The following BMPER variants were observed in gnomAD, a reference collection of about 807,000 sequenced individuals.
BMPER encodes the protein BMP binding endothelial regulator.
A neutral mutation model predicts 87.3 loss-of-function variants in BMPER; 45 were observed. The ratio of observed to expected loss-of-function variants is 0.52; its 90% CI spans 0.41 to 0.66. BMPER has a LOEUF of 0.66. Among genes scored for constraint, BMPER ranks in the 30% least tolerant of loss-of-function variants. The probability of loss-of-function intolerance (pLI) is 0.00; values close to 1 mark genes in which losing one functional copy is unlikely to be tolerated. For missense variants in BMPER, 784 were observed against 867.5 expected (o/e 0.90, Z 1.21); for synonymous variants, 326 against 316.2 (o/e 1.03, Z -0.33).
chr7:34,094,048 C>A (rs1789463682), intron 13 of BMPER, among the ~76,000 whole-genome samples: 1 of 152,166 alleles, frequency 6.6e-6, no homozygotes, highest in African/African-American at 2.4e-5. Flanking sequence ...GACAGGCACA[C>A]CTGGTCTGGG....
intron 6 of BMPER, among the ~76,000 whole-genome samples, chr7:34,004,064 A>G (rs1786661108): frequency 6.6e-6 from 1 of 152,060 alleles, no homozygotes. Context: ...CGTTCCACAC[A>G]TCTCTGAGAC....
At chr7:34,153,030 G>A in intron 14 of BMPER, 62 bp from the exon 15 acceptor site, 4 of 1,590,924 alleles carry the variant, frequency 2.5e-6, no homozygotes, top group Non-Finnish European at 3.4e-6. Flanking sequence ...ACGGCATCTG[G>A]CTGAGGGTGA....
intron 14 of BMPER, among the ~76,000 whole-genome samples, chr7:34,145,724 G>A (rs1790999632): frequency 6.6e-6 from 1 of 152,148 alleles, no homozygotes; most frequent in Admixed American, 6.5e-5. Flanking sequence ...AATTTGATTA[G>A]CTGTGGTAGT....
In BMPER at chr7:33,906,921, G is replaced by C. The variant is rs376510799; in HGVS notation, c.219+18G>C. The C allele has an allele frequency of 2.9e-3, 4,600 of 1,589,466 alleles. 9 individuals carry two copies. Among genetic ancestry groups the C allele is most frequent in the Non-Finnish European group, 3.6e-3 (4,192 of 1,158,054 alleles). On this transcript the variant is annotated intron_variant, in intron 2 of 14. Transcript: ENST00000649409. Reference sequence around the variant, plus strand: ...TCTGCTTGGTAAGTGTGGAGATCAGGTAATATGAACTCAACTGCTCTCTCT... The same window carrying C: ...TCTGCTTGGTAAGTGTGGAGATCAGCTAATATGAACTCAACTGCTCTCTCT...
intron 6 of BMPER, among the ~76,000 whole-genome samples, chr7:34,024,843 G>T (rs559953629): frequency 5.9e-5 from 9 of 152,144 alleles, no homozygotes; most frequent in African/African-American, 1.2e-4. Flanking sequence ...TAAGTACAAG[G>T]TGAATTCATT....
At chr7:34,040,478 A>T (rs1787804176) in intron 6 of BMPER, among the ~76,000 whole-genome samples, 1 of 152,100 alleles carries the variant, frequency 6.6e-6, no homozygotes, top group African/African-American at 2.4e-5. Flanking sequence ...AATAAAATAC[A>T]GTTGCCTGGG....
chr7:34,008,030 T>C (rs1786782422), intron 6 of BMPER, among the ~76,000 whole-genome samples: 1 of 152,052 alleles, frequency 6.6e-6, no homozygotes, highest in Admixed American at 6.6e-5. Context: ...AGTTTTAATT[T>C]GATTTTATCT....
chr7:33,930,501 C>T (rs11486835), intron 2 of BMPER, among the ~76,000 whole-genome samples: 1,766 of 152,278 alleles, frequency 0.012, 31 homozygotes, highest in African/African-American at 0.04. Flanking sequence ...AGACTTTGTC[C>T]AAAGGAGACA....
At chr7:33,984,176 A>G (rs74900118) in intron 6 of BMPER, among the ~76,000 whole-genome samples, 19,229 of 152,124 alleles carry the variant, frequency 0.13, 1,674 homozygotes, top group Admixed American at 0.23. Flanking sequence ...ATAAAAATAA[A>G]TGTTTATCCA....
intron 12 of BMPER, among the ~76,000 whole-genome samples, chr7:34,084,627 C>G (rs934027154): frequency 1.3e-5 from 2 of 152,210 alleles, no homozygotes; most frequent in Non-Finnish European, 2.9e-5. Context: ...TTGGGTTGAA[C>G]CTCAGAAGAC....
At chr7:34,131,119 G>A (rs1243173431) in intron 13 of BMPER, among the ~76,000 whole-genome samples, 1 of 152,106 alleles carries the variant, frequency 6.6e-6, no homozygotes, top group Non-Finnish European at 1.5e-5. Context: ...AAGCTGGCAT[G>A]GAGGGGAAGG....
intron 13 of BMPER, among the ~76,000 whole-genome samples, chr7:34,132,771 C>T (rs1454973090): frequency 1.3e-5 from 2 of 152,148 alleles, no homozygotes; most frequent in East Asian, 1.9e-4. Flanking sequence ...AATATTAGTA[C>T]TGTGGAGACC....
At chr7:33,938,700 C>G (rs929472615) in intron 3 of BMPER, among the ~76,000 whole-genome samples, 3 of 152,126 alleles carry the variant, frequency 2.0e-5, no homozygotes, top group Non-Finnish European at 4.4e-5. Context: ...GAGACATGGA[C>G]CCTTTCTTGA....
intron 2 of BMPER, among the ~76,000 whole-genome samples, chr7:33,929,718 G>A (rs1784437313): frequency 1.3e-5 from 2 of 152,290 alleles, no homozygotes; most frequent in African/African-American, 2.4e-5. Flanking sequence ...ACCTCTCCGT[G>A]CCTCAGTTTA....
intron 13 of BMPER, among the ~76,000 whole-genome samples, chr7:34,101,872 C>T (rs947367478): frequency 2.7e-4 from 41 of 152,172 alleles, no homozygotes; most frequent in Non-Finnish European, 5.9e-5. Context: ...AACAGGAGCC[C>T]ACATGTGTGG....
intron 4 of BMPER, among the ~76,000 whole-genome samples, chr7:33,969,162 G>GA (rs2128618268): frequency 6.6e-6 from 1 of 152,192 alleles, no homozygotes; most frequent in East Asian, 1.9e-4. Flanking sequence ...ACACGATGAA[G>GA]AAAATGACCT....
chr7:34,046,494 T>C (rs1044567976), intron 7 of BMPER, 89 bp downstream of exon 7: 30 of 1,355,554 alleles, frequency 2.2e-5, no homozygotes, highest in Non-Finnish European at 3.0e-5. Flanking sequence ...GTTTTGAGAT[T>C]CTCAAGTTGT....
chr7:33,930,120 C>T (rs1329868467), intron 2 of BMPER, among the ~76,000 whole-genome samples: 2 of 152,200 alleles, frequency 1.3e-5, no homozygotes, highest in African/African-American at 2.4e-5. Flanking sequence ...GAAACCACTT[C>T]TTTCAGCTGG....
Position 34,076,118 on chromosome 7 carries a change from G to C in BMPER, c.1079-2739G>C, listed in dbSNP as rs17169641. ...GAAAAATATCTTTCCTGACAGCCCT[G>C]TTCACACATGATTTCCCTTGCCCAG... On this transcript the variant is annotated intron_variant, in intron 11 of 14. Transcript: ENST00000649409. Among the ~76,000 whole-genome samples, 1,423 of 152,132 alleles carry C rather than the reference G, an allele frequency of 9.4e-3. 27 individuals are homozygous for C. The highest frequency in any genetic ancestry group is 0.033 in the African/African-American group (1,369 of 41,484).
Sources: allele counts gnomAD v4.1 joint callset (sites outside exome capture counted in the v4.1 genomes callset), GRCh38; gene constraint gnomAD v4.1.1; transcripts MANE v1.5; gene names NCBI Gene and HGNC (gene_info 2026-07-23, HGNC 2026-07-21).